MTHFS: variants seen among roughly 807,000 people sequenced by gnomAD.
The protein encoded by MTHFS is methenyltetrahydrofolate synthetase, also known as 5-formyltetrahydrofolate cyclo-ligase.
A neutral mutation model predicts 12.7 loss-of-function variants in MTHFS; 7 were observed. The observed-to-expected ratio is 0.55, with a 90% CI of 0.31 to 1.03. The LOEUF (loss-of-function observed/expected upper bound fraction) is 1.03, where lower values mean the gene tolerates loss of function less well. MTHFS is among the 50% of genes least tolerant of loss of function. The pLI, the probability that MTHFS is intolerant of heterozygous loss-of-function variation, is 0.05. For synonymous variants in MTHFS, 100 were observed against 97.1 expected, an observed-to-expected ratio of 1.03 and a Z score of -0.18; for missense variants, 252 against 258.1, an observed-to-expected ratio of 0.98 and a Z score of 0.16.
rs1156760454 is a variant in MTHFS at position 79,844,434 on chromosome 15, T to C, written c.*776A>G. On this transcript the variant is annotated 3_prime_UTR_variant, in exon 3 of 3. Coordinates refer to ENST00000258874, the MANE Select transcript of MTHFS (RefSeq NM_006441.4). The stretch of plus-strand genomic sequence containing the variant: ...GTAAGAGAGCCACGTGACTCCCGGG[T>C]TTCTGGAGATGACCAAATCCTCCCC... 6.6e-6 allele frequency: 1 copy of C among 152,330 alleles called. No homozygotes were observed. Among genetic ancestry groups the C allele is most frequent in the African/African-American group, 2.4e-5 (1 of 41,420 alleles). 9.4% of individuals were successfully genotyped at this position (152,330 alleles called of 1,614,324 possible).
chr15:79,857,064 C>A (rs574420657), intron 2 of MTHFS, among the ~76,000 whole-genome samples: 1 of 151,398 alleles, frequency 6.6e-6, no homozygotes, highest in East Asian at 1.9e-4. Flanking sequence ...AGCACGATCT[C>A]GGCTCACTGC....
intron 1 of MTHFS, among the ~76,000 whole-genome samples, chr15:79,896,508 C>T (rs138396320): frequency 1.2e-4 from 18 of 152,376 alleles, no homozygotes; most frequent in African/African-American, 4.3e-4. Flanking sequence ...TCTACCACAA[C>T]TTTCTGTTCT....
chr15:79,887,808 G>A (rs2034406869), intron 2 of MTHFS, among the ~76,000 whole-genome samples: 4 of 152,168 alleles, frequency 2.6e-5, no homozygotes, highest in African/African-American at 7.2e-5. Flanking sequence ...ATTGATGCAG[G>A]ACATGAAGGA....
Position 79,892,879 on chromosome 15 carries a change from A to G in MTHFS, c.118-3525T>C, listed in dbSNP as rs528584158. ...GCCAGGAGAATCGCTTGAACCCGGG[A>G]GGCGGAGGTTGCAGTGAGCCGAGAT... is the stretch of plus-strand genomic sequence containing the variant. On this transcript the variant is annotated intron_variant, in intron 1 of 2. Transcript: ENST00000258874. 7.2e-5 allele frequency among the ~76,000 whole-genome samples: 11 copies of G among 152,218 alleles called. 1 individual carries two copies. The highest frequency in any genetic ancestry group is 2.6e-4 in the African/African-American group (11 of 41,540).
chr15:79,866,658 T>G (rs2034016600), intron 2 of MTHFS, among the ~76,000 whole-genome samples: 1 of 152,146 alleles, frequency 6.6e-6, no homozygotes, highest in African/African-American at 2.4e-5. Flanking sequence ...TCTTAAGAAC[T>G]GCTAGTGATT....
chr15:79,866,933 G>A (rs1408009117), intron 2 of MTHFS, among the ~76,000 whole-genome samples: 1 of 151,602 alleles, frequency 6.6e-6, no homozygotes, highest in Non-Finnish European at 1.5e-5. Context: ...TCCAGCCTGG[G>A]CATGCCACTG....
chr15:79,895,137 AC>A (rs1464533737), intron 1 of MTHFS, among the ~76,000 whole-genome samples: 3 of 152,166 alleles, frequency 2.0e-5, no homozygotes, highest in African/African-American at 7.2e-5. Flanking sequence ...AGATTATGAG[AC>A]CTGTCCAAGG....
At chr15:79,858,432 G>C (rs1305263089) in intron 2 of MTHFS, among the ~76,000 whole-genome samples, 1 of 151,956 alleles carries the variant, frequency 6.6e-6, no homozygotes, top group Non-Finnish European at 1.5e-5. Flanking sequence ...GAAAGGAAAA[G>C]TCTTTTGGAA....
At chr15:79,845,812 G>T (rs1275455071) in intron 2 of MTHFS, among the ~76,000 whole-genome samples, 1 of 152,170 alleles carries the variant, frequency 6.6e-6, no homozygotes, top group African/African-American at 2.4e-5. Context: ...GATAATGACA[G>T]TTGGAGGGCG....
chr15:79,864,972 C>T (rs1267455785), intron 2 of MTHFS, among the ~76,000 whole-genome samples: 2 of 152,048 alleles, frequency 1.3e-5, no homozygotes, highest in Non-Finnish European at 2.9e-5. Context: ...AAGAAAAACA[C>T]CCCAAAAAAA....
chr15:79,845,114 T>C lies in MTHFS; in HGVS notation c.*96A>G. 6 of 1,479,908 alleles carry C rather than the reference T, an allele frequency of 4.1e-6. No individual in the cohort carries two copies. The South Asian group carries it at 6.5e-5, about 16-fold the overall frequency. The allele number at this position is 1,479,908 out of a possible 1,614,324, so 91.7% of individuals were successfully genotyped here. On this transcript the variant is annotated 3_prime_UTR_variant, in exon 3 of 3. Transcript: ENST00000258874. ...AAAATGCAGTCTGTATTCACATTAA[T>C]GAACAATTTCAACTAATTTTTGACA... is the stretch of plus-strand genomic sequence containing the variant.
chr15:79,850,718 C>T (rs186947642), intron 2 of MTHFS, among the ~76,000 whole-genome samples: 279 of 152,050 alleles, frequency 1.8e-3, no homozygotes, highest in Non-Finnish European at 3.1e-3. Context: ...AGGGAATCAC[C>T]GGGGCAAGGA....
At chr15:79,874,887 G>A (rs1462200517) in intron 2 of MTHFS, among the ~76,000 whole-genome samples, 1 of 152,156 alleles carries the variant, frequency 6.6e-6, no homozygotes, top group African/African-American at 2.4e-5. Context: ...CCTGAACATC[G>A]CTGTTATCCT....
intron 2 of MTHFS, among the ~76,000 whole-genome samples, chr15:79,847,130 C>T (rs2033632943): frequency 6.6e-6 from 1 of 152,188 alleles, no homozygotes; most frequent in Non-Finnish European, 1.5e-5. Context: ...GAAAACTCAA[C>T]TTGACCTGGA....
intron 2 of MTHFS, among the ~76,000 whole-genome samples, chr15:79,870,524 A>G (rs940265478): frequency 2.0e-4 from 31 of 152,236 alleles, no homozygotes; most frequent in African/African-American, 7.5e-4. Flanking sequence ...GATGTGTACA[A>G]AGACAGCCTC....
chr15:79,895,900 G>GT (rs1270060587), intron 1 of MTHFS, among the ~76,000 whole-genome samples: 1 of 152,206 alleles, frequency 6.6e-6, no homozygotes. Flanking sequence ...CAGATCATCA[G>GT]TTTGACTTAC....
chr15:79,864,544 C>CAAAAAAA (rs1566990932), intron 2 of MTHFS, among the ~76,000 whole-genome samples: 6 of 23,694 alleles, frequency 2.5e-4, no homozygotes, highest in African/African-American at 1.2e-3. Context: ...GACTCCATCT[C>CAAAAAAA]AACAAAAAAA....
chr15:79,866,094 T>C (rs2034006026), intron 2 of MTHFS, among the ~76,000 whole-genome samples: 1 of 152,094 alleles, frequency 6.6e-6, no homozygotes, highest in South Asian at 2.1e-4. Flanking sequence ...TTTTTGTTTT[T>C]TTTTGGTCTC....
intron 1 of MTHFS, among the ~76,000 whole-genome samples, chr15:79,893,072 C>A (rs991494821): frequency 7.9e-5 from 12 of 152,200 alleles, no homozygotes; most frequent in African/African-American, 2.9e-4. Context: ...ACAAATACTG[C>A]TCAGTAGACT....
Sources: gnomAD v4.1 joint callset for allele counts (sites outside exome capture counted in the v4.1 genomes callset) on GRCh38, gnomAD v4.1.1 for gene constraint, MANE v1.5 for transcripts, NCBI Gene and HGNC (gene_info 2026-07-23, HGNC 2026-07-21) for gene names.